CCDC181: variants seen among roughly 807,000 people sequenced by gnomAD.
The protein encoded by CCDC181 is coiled-coil domain-containing protein 181.
Under a neutral mutation model 58.7 loss-of-function variants are expected in CCDC181, and 35 were observed. That is an observed-to-expected ratio of 0.60 (90% CI 0.46 to 0.79). The LOEUF is 0.79. Among genes scored for constraint, CCDC181 ranks in the 30% least tolerant of loss-of-function variants. The pLI, the probability that CCDC181 is intolerant of heterozygous loss-of-function variation, is 0.00. For missense variants in CCDC181, 517 were observed against 583.9 expected (o/e 0.89, Z 1.18); for synonymous variants, 183 against 197.5 (o/e 0.93, Z 0.62).
intron 2 of CCDC181, among the ~76,000 whole-genome samples, chr1:169,459,617 T>G (rs1422410465): frequency 1.3e-5 from 2 of 151,004 alleles, no homozygotes; most frequent in African/African-American, 4.9e-5. Context: ...TAACTGGGAG[T>G]TAATTACAAG....
chr1:169,398,899 A>T (rs1266377574), intron 4 of CCDC181, among the ~76,000 whole-genome samples: 1 of 152,222 alleles, frequency 6.6e-6, no homozygotes, highest in African/African-American at 2.4e-5. Flanking sequence ...GTATTTAAAT[A>T]GAAAGGGAGG....
chr1:169,395,090 A>G lies in CCDC181; in HGVS notation c.1487T>C (p.Met496Thr), dbSNP rs748009925. Residue 496 changes from methionine (M) to threonine (T), a missense_variant, in exon 6 of 6, where the codon ATG (methionine) becomes ACG (threonine). By Grantham distance (81) the Met-to-Thr change is moderately conservative. Coordinates refer to ENST00000367806, the MANE Select transcript of CCDC181 (RefSeq NM_001300969.2). ...RSKQLQHHLY[M>T]SEAKPFRFTD... ...AAAACGAAAAGGTTTGGCTTCTGAC[A>G]TATATAGGTGGTGCTGTAACTGTTT... The G allele has an allele frequency of 1.7e-5, 27 of 1,612,082 alleles. No homozygotes were observed. Among genetic ancestry groups the G allele is most frequent in the Non-Finnish European group, 2.2e-5 (26 of 1,179,312 alleles).
At chr1:169,440,288 C>T (rs905372586) in intron 2 of CCDC181, among the ~76,000 whole-genome samples, 1 of 152,234 alleles carries the variant, frequency 6.6e-6, no homozygotes, top group African/African-American at 2.4e-5. Context: ...GATACCAAAC[C>T]ACAGGCAGGT....
chr1:169,397,755 G>A (rs1033189577), intron 4 of CCDC181, among the ~76,000 whole-genome samples: 9 of 152,124 alleles, frequency 5.9e-5, no homozygotes, highest in African/African-American at 2.2e-4. Context: ...GTTCATGATG[G>A]ATAGTATCTT....
chr1:169,425,822 T>C (rs1195124197), intron 1 of CCDC181, among the ~76,000 whole-genome samples: 1 of 152,134 alleles, frequency 6.6e-6, no homozygotes, highest in Non-Finnish European at 1.5e-5. Flanking sequence ...TATAAGAATA[T>C]TTCTTTGGAA....
intron 2 of CCDC181, among the ~76,000 whole-genome samples, chr1:169,446,787 G>A (rs1186993767): frequency 2.6e-5 from 4 of 152,186 alleles, no homozygotes; most frequent in Non-Finnish European, 5.9e-5. Flanking sequence ...AAAGGAACTT[G>A]AACATCTGCA....
At chr1:169,405,554 C>T (rs943907537) in intron 4 of CCDC181, among the ~76,000 whole-genome samples, 7 of 152,090 alleles carry the variant, frequency 4.6e-5, no homozygotes, top group Non-Finnish European at 7.4e-5. Flanking sequence ...CAAGAAACGG[C>T]GGAAGGATTC....
chr1:169,397,152 T>A, intron 5 of CCDC181, 85 bp downstream of exon 5: 1 of 1,299,156 alleles, frequency 7.7e-7, no homozygotes, highest in East Asian at 2.5e-5. Flanking sequence ...TTGAGGGTTT[T>A]TTTTTTCCAA....
intron 2 of CCDC181, among the ~76,000 whole-genome samples, chr1:169,423,953 T>C (rs1226254820): frequency 1.3e-5 from 2 of 151,982 alleles, no homozygotes; most frequent in African/African-American, 4.8e-5. Flanking sequence ...AAATCTGTAA[T>C]ATAAAACCTG....
At chr1:169,453,597 A>C (rs1232396360) in intron 2 of CCDC181, among the ~76,000 whole-genome samples, 1 of 152,074 alleles carries the variant, frequency 6.6e-6, no homozygotes, top group Admixed American at 6.6e-5. Context: ...AACATGGATC[A>C]GAGCCTCTCA....
chr1:169,406,605 C>CT (rs1367009509), intron 4 of CCDC181, among the ~76,000 whole-genome samples: 3 of 152,122 alleles, frequency 2.0e-5, no homozygotes, highest in Admixed American at 2.0e-4. Context: ...AATGAGAACA[C>CT]TTAGACACAG....
At chr1:169,428,370 T>C (rs922626704), upstream of CCDC181, among the ~76,000 whole-genome samples, 3 of 152,176 alleles carry the variant, frequency 2.0e-5, no homozygotes, top group Admixed American at 6.5e-5. Flanking sequence ...CAAATCTCCT[T>C]TAATGGATGT....
intron 4 of CCDC181, 42 bp downstream of exon 4, chr1:169,418,971 T>G: frequency 6.7e-7 from 1 of 1,500,478 alleles, no homozygotes; most frequent in Non-Finnish European, 9.3e-7. Flanking sequence ...AGTTCAGCTT[T>G]CATATCTGTA....
upstream of CCDC181, among the ~76,000 whole-genome samples, chr1:169,431,017 C>A (rs1011246290): frequency 1.3e-5 from 2 of 152,198 alleles, no homozygotes; most frequent in Admixed American, 1.3e-4. Flanking sequence ...TTCCCATCTG[C>A]AGGAAAGAGG....
At chr1:169,460,618 G>A (rs1489210343) in exon 1 of CCDC181, 6 of 152,390 alleles carry the variant, frequency 3.9e-5, no homozygotes, top group South Asian at 2.1e-4. Context: ...CGCTGGCCGG[G>A]AGATCGGGCT....
chr1:169,417,070 A>G (rs1279895008), intron 4 of CCDC181, among the ~76,000 whole-genome samples: 4 of 152,166 alleles, frequency 2.6e-5, no homozygotes, highest in African/African-American at 9.7e-5. Flanking sequence ...TTCACACTCA[A>G]CACAGAATAC....
At chr1:169,438,845 T>C (rs1211614666) in intron 2 of CCDC181, among the ~76,000 whole-genome samples, 4 of 152,122 alleles carry the variant, frequency 2.6e-5, no homozygotes, top group Non-Finnish European at 5.9e-5. Flanking sequence ...AGCAATTTCT[T>C]CAGAGGTCCC....
In CCDC181 at chr1:169,432,674, C is replaced by A. The variant is rs114045924; in HGVS notation, c.-23-7724G>T. Among the ~76,000 whole-genome samples the A allele has an allele frequency of 9.6e-3, 1,453 of 152,124 alleles. 22 individuals carry two copies. The highest frequency in any genetic ancestry group is 0.033 in the African/African-American group (1,377 of 41,518). On this transcript the variant is annotated intron_variant, in intron 2 of 6. Coordinates refer to the CCDC181 transcript ENST00000545005. The stretch of plus-strand genomic sequence containing the variant: ...GCACCATGGCCAAAAGTGATTTATT[C>A]CTAGAATGTAAGGATGGTTTAACAT...
chr1:169,438,087 G>C (rs1256048039), intron 2 of CCDC181, among the ~76,000 whole-genome samples: 1 of 152,074 alleles, frequency 6.6e-6, no homozygotes, highest in Non-Finnish European at 1.5e-5. Context: ...AGGCTTGTAG[G>C]TGTCCTAAAC....
Sources: gnomAD v4.1 joint callset for allele counts (sites outside exome capture counted in the v4.1 genomes callset) on GRCh38, gnomAD v4.1.1 for gene constraint, MANE v1.5 for transcripts, NCBI Gene and HGNC (gene_info 2026-07-23, HGNC 2026-07-21) for gene names.